CIMIP2B: variants seen among roughly 807,000 people sequenced by gnomAD.
The protein encoded by CIMIP2B is family with sequence similarity 166 member B.
chr9:35,562,623 T>C, the CIMIP2B span: 1 of 1,612,484 alleles, frequency 6.2e-7, no homozygotes, highest in South Asian at 1.1e-5. Flanking sequence ...TCCCCACGCC[T>C]CTGATCCTGA....
chr9:35,563,849 T>C, the CIMIP2B span: 1 of 1,612,084 alleles, frequency 6.2e-7, no homozygotes, highest in South Asian at 1.1e-5. Flanking sequence ...GCATTTCCTT[T>C]TGTTTGCCTT....
chr9:35,562,838 C>T, the CIMIP2B span: 5 of 1,613,428 alleles, frequency 3.1e-6, no homozygotes, highest in Admixed American at 1.7e-5. Flanking sequence ...CCCCCACTCC[C>T]ACACCTCTGC....
chr9:35,562,029 A>T, the CIMIP2B span: 1 of 1,508,856 alleles, frequency 6.6e-7, no homozygotes, highest in South Asian at 1.2e-5. Flanking sequence ...CTGCTTCTGG[A>T]AGGTGCTGAG....
At chr9:35,563,542 C>G in the CIMIP2B span, among the ~76,000 whole-genome samples, 1 of 152,170 alleles carries the variant, frequency 6.6e-6, no homozygotes, top group Admixed American at 6.5e-5. Context: ...GCTTTCGATC[C>G]TTCCTCTGCT....
the CIMIP2B span, chr9:35,562,998 C>T: frequency 3.7e-6 from 6 of 1,614,000 alleles, no homozygotes; most frequent in Non-Finnish European, 5.1e-6. Context: ...GCTTTTCATG[C>T]AAGTGAGTAA....
the CIMIP2B span, chr9:35,562,343 T>G: frequency 8.5e-7 from 1 of 1,176,984 alleles, no homozygotes; most frequent in South Asian, 1.6e-5. Flanking sequence ...CAAACAAACA[T>G]TCCAGTCCCC....
the CIMIP2B span, chr9:35,562,440 G>A: frequency 1.3e-6 from 2 of 1,575,994 alleles, no homozygotes; most frequent in Non-Finnish European, 1.7e-6. Flanking sequence ...GTTCTGGGAA[G>A]TGGGGGGAGA....
chr9:35,562,245 G>GATA, the CIMIP2B span: 5 of 1,049,798 alleles, frequency 4.8e-6, no homozygotes, highest in African/African-American at 8.1e-5. Context: ...TTTTCTGCCT[G>GATA]ATAATAAAGC....
the CIMIP2B span, chr9:35,563,315 C>G: frequency 6.2e-7 from 1 of 1,613,804 alleles, no homozygotes. Flanking sequence ...AGGAGGGCCT[C>G]GAAGTAGCTG....
the CIMIP2B span, chr9:35,561,913 TCCCCCACC>T: frequency 1.1e-5 from 4 of 376,168 alleles, no homozygotes; most frequent in African/African-American, 2.8e-5. Context: ...CTCTTTGTGT[TCCCCCACC>T]CTCCCACCCT....
the CIMIP2B span, chr9:35,563,684 C>A: frequency 7.5e-7 from 1 of 1,332,408 alleles, no homozygotes; most frequent in Non-Finnish European, 1.1e-6. Flanking sequence ...GTCCGCTTGG[C>A]CCCATGCTCT....
At chr9:35,562,035 C>G in the CIMIP2B span, 17 of 1,531,260 alleles carry the variant, frequency 1.1e-5, no homozygotes, top group Non-Finnish European at 1.5e-5. Flanking sequence ...CTGGAAGGTG[C>G]TGAGGCCCAG....
the CIMIP2B span, chr9:35,563,731 C>G: frequency 1.3e-6 from 2 of 1,596,724 alleles, no homozygotes; most frequent in Non-Finnish European, 1.7e-6. Context: ...CCCCTACTCC[C>G]AGCAGCAAGC....
At chr9:35,562,092 T>G in the CIMIP2B span, 1 of 1,531,286 alleles carries the variant, frequency 6.5e-7, no homozygotes. Flanking sequence ...CTGGAACTTA[T>G]ACCCTGTGTG....
the CIMIP2B span, chr9:35,562,379 C>A: frequency 1.4e-6 from 2 of 1,470,160 alleles, no homozygotes; most frequent in Non-Finnish European, 1.8e-6. Context: ...GCTCTTCTCA[C>A]CTGGCACGTA....
chr9:35,563,339 C>T, the CIMIP2B span: 1 of 1,613,874 alleles, frequency 6.2e-7, no homozygotes. Flanking sequence ...AGTCACCTGC[C>T]CATAGGTCTG....
the CIMIP2B span, chr9:35,561,966 G>A: frequency 4.4e-6 from 4 of 919,214 alleles, no homozygotes; most frequent in East Asian, 1.8e-4. Flanking sequence ...AAGGATGGCT[G>A]GGATAGGATG....
chr9:35,562,337 C>T, the CIMIP2B span: 1 of 1,292,696 alleles, frequency 7.7e-7, no homozygotes, highest in South Asian at 1.6e-5. Context: ...CCCATACAAA[C>T]AAACATTCCA....
chr9:35,563,813 T>C, the CIMIP2B span: 1 of 1,614,040 alleles, frequency 6.2e-7, no homozygotes, highest in Non-Finnish European at 8.5e-7. Context: ...GGTATGAAGG[T>C]GCTGGCCACA....
Sources: gnomAD v4.1 joint callset for allele counts (sites outside exome capture counted in the v4.1 genomes callset) on GRCh38, gnomAD v4.1.1 for gene constraint, MANE v1.5 for transcripts, NCBI Gene and HGNC (gene_info 2026-07-23, HGNC 2026-07-21) for gene names.